MAGI2: variants seen among roughly 807,000 people sequenced by gnomAD.
MAGI2 encodes membrane-associated guanylate kinase, WW and PDZ domain-containing protein 2.
In MAGI2, 35 loss-of-function variants were observed where a neutral mutation model predicts 133.3. The observed-to-expected ratio is 0.26, with a 90% CI of 0.20 to 0.35. The LOEUF (loss-of-function observed/expected upper bound fraction) is 0.35, where lower values mean the gene tolerates loss of function less well. MAGI2 is among the 10% of genes least tolerant of loss of function. The probability of loss-of-function intolerance (pLI) is 1.00; values close to 1 mark genes in which losing one functional copy is unlikely to be tolerated. For missense variants in MAGI2, 1,636 were observed against 1,863.4 expected, an observed-to-expected ratio of 0.88 and a Z score of 2.25; for synonymous variants, 729 against 710.6, an observed-to-expected ratio of 1.03 and a Z score of -0.41.
chr7:79,135,052 C>T (rs1030242372), intron 1 of MAGI2, among the ~76,000 whole-genome samples: 1 of 152,222 alleles, frequency 6.6e-6, no homozygotes, highest in Non-Finnish European at 1.5e-5. Context: ...TTAGAGACAT[C>T]CTATATTTGG....
At chr7:78,406,859 A>AC (rs747931338) in intron 6 of MAGI2, among the ~76,000 whole-genome samples, 170 of 152,078 alleles carry the variant, frequency 1.1e-3, no homozygotes, top group Non-Finnish European at 1.5e-3. Flanking sequence ...ATATAATACT[A>AC]CATAGCTTCC....
intron 2 of MAGI2, chr7:78,901,321 A>G (rs1279720485): frequency 1.3e-5 from 2 of 152,230 alleles, no homozygotes; most frequent in African/African-American, 2.4e-5. Flanking sequence ...TATAAAGCAG[A>G]CAATATTACA....
At chr7:79,294,177 CAAAAAA>C (rs61385536) in intron 1 of MAGI2, among the ~76,000 whole-genome samples, 1 of 65,404 alleles carries the variant, frequency 1.5e-5, no homozygotes, top group Non-Finnish European at 3.3e-5. Flanking sequence ...GACTCCGTCT[CAAAAAA>C]AAAAAAAAAA....
At chr7:79,301,594 C>T (rs915874921) in intron 1 of MAGI2, among the ~76,000 whole-genome samples, 5 of 152,132 alleles carry the variant, frequency 3.3e-5, no homozygotes, top group Non-Finnish European at 5.9e-5. Context: ...GAAAGACTTG[C>T]TTTGCCTCAG....
chr7:79,190,645 A>C (rs1827568941), intron 1 of MAGI2, among the ~76,000 whole-genome samples: 1 of 151,844 alleles, frequency 6.6e-6, no homozygotes, highest in Non-Finnish European at 1.5e-5. Context: ...ACACTCTTAC[A>C]ATAAACAAGG....
In MAGI2 at chr7:78,050,055, G is replaced by A. The variant is rs537685825; in HGVS notation, c.3706+28892C>T. ...TACATTGGGACTGATAATGAGAGCT[G>A]TATGATACTTACGTAAAAGGTCAAT... On this transcript the variant is annotated intron_variant, in intron 21 of 21. Coordinates refer to ENST00000354212, the MANE Select transcript of MAGI2 (RefSeq NM_012301.4). 2.0e-5 allele frequency among the ~76,000 whole-genome samples: 3 copies of A among 152,276 alleles called. No individual in the cohort carries two copies. In the South Asian group the frequency reaches 6.2e-4, roughly 32 times the overall value.
At chr7:78,313,439 C>G (rs1226654322) in intron 9 of MAGI2, among the ~76,000 whole-genome samples, 1 of 152,072 alleles carries the variant, frequency 6.6e-6, no homozygotes, top group Non-Finnish European at 1.5e-5. Context: ...AATTCAAATT[C>G]TATCATTGTG....
chr7:79,125,718 C>G (rs1024982675), intron 1 of MAGI2: 4 of 526,328 alleles, frequency 7.6e-6, no homozygotes, highest in Non-Finnish European at 1.5e-5. Flanking sequence ...AAGCTCTGGC[C>G]CCTATGATGG....
intron 1 of MAGI2, among the ~76,000 whole-genome samples, chr7:79,230,563 T>C (rs1831276012): frequency 6.6e-6 from 1 of 151,768 alleles, no homozygotes; most frequent in Admixed American, 6.6e-5. Context: ...CATTTTTTCA[T>C]GTGTTTTTTG....
intron 21 of MAGI2, among the ~76,000 whole-genome samples, chr7:78,057,650 C>T (rs1033559364): frequency 6.6e-6 from 1 of 152,082 alleles, no homozygotes; most frequent in Non-Finnish European, 1.5e-5. Flanking sequence ...TTATGTCTTT[C>T]ACAACCATAG....
At chr7:78,855,376 G>A (rs922724167) in intron 2 of MAGI2, among the ~76,000 whole-genome samples, 3 of 152,088 alleles carry the variant, frequency 2.0e-5, no homozygotes, top group African/African-American at 7.2e-5. Flanking sequence ...TTTACATTAG[G>A]TATATCTCCT....
intron 10 of MAGI2, among the ~76,000 whole-genome samples, chr7:78,242,710 T>C (rs1255777002): frequency 2.0e-5 from 3 of 152,228 alleles, no homozygotes; most frequent in South Asian, 2.1e-4. Context: ...TTCTCTTTCA[T>C]AGCTTAAATC....
At chr7:79,414,086 G>C (rs952724426) in intron 1 of MAGI2, 1 of 152,110 alleles carries the variant, frequency 6.6e-6, no homozygotes, top group Non-Finnish European at 1.5e-5. Flanking sequence ...GTTGGCAAAG[G>C]CATTGGTAGG....
chr7:79,409,140 A>C (rs2129169818), intron 1 of MAGI2, among the ~76,000 whole-genome samples: 2 of 152,328 alleles, frequency 1.3e-5, no homozygotes, highest in Middle Eastern at 3.4e-3. Flanking sequence ...TAAATTCATT[A>C]GATATACTAA....
intron 2 of MAGI2, among the ~76,000 whole-genome samples, chr7:78,848,325 C>T (rs939845589): frequency 6.6e-6 from 1 of 151,944 alleles, no homozygotes; most frequent in Non-Finnish European, 1.5e-5. Context: ...ACATCCAATA[C>T]ATCATCTGCC....
At chr7:78,888,178 G>A (rs1406631958) in intron 2 of MAGI2, among the ~76,000 whole-genome samples, 2 of 152,204 alleles carry the variant, frequency 1.3e-5, no homozygotes, top group African/African-American at 4.8e-5. Flanking sequence ...AGGAAGGCTG[G>A]GGGAGGGGCG....
At chr7:78,424,543 T>G (rs778391911) in intron 6 of MAGI2, among the ~76,000 whole-genome samples, 1 of 152,100 alleles carries the variant, frequency 6.6e-6, no homozygotes, top group Non-Finnish European at 1.5e-5. Context: ...GGTAGATTCA[T>G]GAAAACTTGC....
At chr7:79,230,619 G>A (rs1423004423) in intron 1 of MAGI2, among the ~76,000 whole-genome samples, 62 of 149,752 alleles carry the variant, frequency 4.1e-4, no homozygotes, top group African/African-American at 7.3e-4. Context: ...CATGTCCTTC[G>A]CCCACTTTTT....
At chr7:78,278,573 A>T (rs1562737623) in intron 9 of MAGI2, among the ~76,000 whole-genome samples, 2 of 152,166 alleles carry the variant, frequency 1.3e-5, no homozygotes, top group Non-Finnish European at 2.9e-5. Flanking sequence ...CAATTATTCA[A>T]TGAAACCCTA....
Sources: allele counts gnomAD v4.1 joint callset (sites outside exome capture counted in the v4.1 genomes callset), GRCh38; gene constraint gnomAD v4.1.1; transcripts MANE v1.5; gene names NCBI Gene and HGNC (gene_info 2026-07-23, HGNC 2026-07-21).